Variants in SYDE2 observed in about 807,000 individuals in gnomAD.
SYDE2 encodes the protein synapse defective Rho GTPase homolog 2, also known as rho GTPase-activating protein SYDE2.
A neutral mutation model predicts 91.5 loss-of-function variants in SYDE2; 76 were observed. The ratio of observed to expected loss-of-function variants is 0.83; its 90% confidence interval spans 0.69 to 1.01. The LOEUF is 1.01. SYDE2 is among the 50% of genes least tolerant of loss of function. The pLI is 0.00. For synonymous variants in SYDE2, 513 were observed against 506.4 expected (o/e 1.01, Z -0.18); for missense variants, 1,364 against 1,367.7 (o/e 1.00, Z 0.04).
rs1337735081 is a variant in SYDE2, at chr1:85,182,180, A to G, written c.2462T>C (p.Val821Ala). The change falls in exon 3 of 7, where the codon GTT becomes GCT. Residue 821 changes from valine (V) to alanine (A), a missense_variant. Transcript: ENST00000341460. ...CAGTCCTATATTTTCTTTCTCTACAACTTTTTGAATATCAACTCCAAATAT... is the reference window on the plus strand; with the variant it reads ...CAGTCCTATATTTTCTTTCTCTACAGCTTTTTGAATATCAACTCCAAATAT... ...PIIFGVDIQK[V>A]VEKENIGLMV... 6.2e-7 allele frequency: 1 copy of G among 1,606,386 alleles called. No individual in the cohort carries two copies. The highest frequency in any genetic ancestry group is 8.5e-7 in the Non-Finnish European group (1 of 1,175,990).
chr1:85,163,774 G>A (rs1287626583), intron 6 of SYDE2, among the ~76,000 whole-genome samples: 4 of 152,030 alleles, frequency 2.6e-5, no homozygotes, highest in African/African-American at 9.7e-5. Flanking sequence ...TGTGGGGTGA[G>A]AGTAGCAGGG....
intron 4 of SYDE2, among the ~76,000 whole-genome samples, chr1:85,174,013 T>C (rs989995314): frequency 5.3e-5 from 8 of 151,404 alleles, no homozygotes; most frequent in African/African-American, 1.9e-4. Flanking sequence ...GATACAGCAA[T>C]AGAAACAATC....
intron 1 of SYDE2, among the ~76,000 whole-genome samples, chr1:85,197,780 G>T (rs111338620): frequency 0.075 from 11,389 of 151,812 alleles, 1,143 homozygotes; most frequent in African/African-American, 0.23. Flanking sequence ...TCAGCCTCCC[G>T]AGTAGCTGGG....
At chr1:85,194,961 C>G (rs1401213319) in intron 1 of SYDE2, 1 of 313,108 alleles carries the variant, frequency 3.2e-6, no homozygotes, top group African/African-American at 2.3e-5. Context: ...GAGATCGAGA[C>G]CATCCTGGCT....
At chr1:85,154,624 CG>C (rs1656836738), downstream of SYDE2, among the ~76,000 whole-genome samples, 1 of 150,766 alleles carries the variant, frequency 6.6e-6, no homozygotes, top group Non-Finnish European at 1.5e-5. Flanking sequence ...CATTTGATGG[CG>C]CTCCATCATT....
chr1:85,163,481 A>ATATATATATATATAT (rs1657152403), intron 6 of SYDE2, among the ~76,000 whole-genome samples: 24 of 138,164 alleles, frequency 1.7e-4, no homozygotes, highest in Non-Finnish European at 2.6e-4. Flanking sequence ...ATATATATAT[A>ATATATATATATATAT]ACAAAAGAGT....
chr1:85,170,580 G>A (rs1657465796), intron 4 of SYDE2, among the ~76,000 whole-genome samples: 2 of 152,158 alleles, frequency 1.3e-5, no homozygotes, highest in South Asian at 4.2e-4. Flanking sequence ...ATGCTCATTA[G>A]AGCATTCTGG....
chr1:85,200,403 C>A lies in SYDE2; in HGVS notation c.594G>T (p.Gly198=), dbSNP rs1658774670. 6.2e-7 allele frequency: 1 copy of A among 1,614,040 alleles called. No individual in the cohort carries two copies. Among genetic ancestry groups the A allele is most frequent in the East Asian group, 2.2e-5 (1 of 44,872 alleles). The change falls in exon 1 of 7, where the codon GGG becomes GGT. Residue 198 remains glycine (G), a synonymous_variant. Transcript: ENST00000341460. ...CCTTCATTCCCAGGGACAGCAGACG[C>A]CCTTTGTACATCCACTTCTGCAGCT... ...VKKLQKWMYK[G]RLLSLGMKGR...
chr1:85,168,493 C>G (rs1052048615), intron 5 of SYDE2, among the ~76,000 whole-genome samples: 36 of 152,148 alleles, frequency 2.4e-4, no homozygotes, highest in Non-Finnish European at 7.3e-5. Context: ...GAAGACCTAC[C>G]TATCCTTCTC....
At chr1:85,186,009 T>C (rs1211136970) in intron 2 of SYDE2, among the ~76,000 whole-genome samples, 1 of 151,888 alleles carries the variant, frequency 6.6e-6, no homozygotes, top group South Asian at 2.1e-4. Context: ...GCATGAAGGG[T>C]TGTTGAATTT....
intron 5 of SYDE2, among the ~76,000 whole-genome samples, chr1:85,167,288 T>A (rs376195682): frequency 6.6e-6 from 1 of 151,802 alleles, no homozygotes; most frequent in Non-Finnish European, 1.5e-5. Context: ...AAAATGTTCA[T>A]ATTATTTAAA....
chr1:85,200,212 A>G, intron 1 of SYDE2, 40 bp downstream of exon 1: 1 of 1,612,970 alleles, frequency 6.2e-7, no homozygotes, highest in Non-Finnish European at 8.5e-7. Flanking sequence ...GTAAACAGTA[A>G]GGCTCGCGGT....
downstream of SYDE2, among the ~76,000 whole-genome samples, chr1:85,154,716 C>G (rs1656837916): frequency 6.6e-6 from 1 of 151,776 alleles, no homozygotes; most frequent in Non-Finnish European, 1.5e-5. Flanking sequence ...CAGAATCCAA[C>G]CATATCTCAC....
rs1200248420 is a variant in SYDE2 at position 85,182,983 on chromosome 1, G to A, written c.1659C>T (p.Asn553=). ...ACAAAGAAGGAGTATTATCTGGACT[G>A]TTTATATAATTCAATGTTCCCTTAA... ...LSVKGTLNYI[N]SPDNTPSLSK... Residue 553 remains asparagine (N), a synonymous_variant, in exon 3 of 7, where the codon AAC becomes AAT. Coordinates refer to ENST00000341460, the MANE Select transcript of SYDE2 (RefSeq NM_032184.2). 6.2e-7 allele frequency: 1 copy of A among 1,613,380 alleles called. No individual in the cohort carries two copies. The highest frequency in any genetic ancestry group is 1.7e-5 in the Admixed American group (1 of 59,952).
At chr1:85,176,177 T>C (rs1471434118) in intron 4 of SYDE2, among the ~76,000 whole-genome samples, 1 of 152,188 alleles carries the variant, frequency 6.6e-6, no homozygotes, top group Non-Finnish European at 1.5e-5. Flanking sequence ...TTTGTATTTA[T>C]AAAACTTCTC....
At chr1:85,172,693 T>C (rs977439618) in intron 4 of SYDE2, among the ~76,000 whole-genome samples, 1 of 152,110 alleles carries the variant, frequency 6.6e-6, no homozygotes, top group Non-Finnish European at 1.5e-5. Flanking sequence ...TGGAGAGACT[T>C]TGCAGGTCGC....
Position 85,200,615 on chromosome 1 carries a change from C to A in SYDE2, c.382G>T (p.Gly128Cys). 1 of 1,555,256 alleles carries A rather than the reference C, an allele frequency of 6.4e-7. No homozygotes were observed. The highest frequency in any genetic ancestry group is 8.7e-7 in the Non-Finnish European group (1 of 1,155,424). The change falls in exon 1 of 7, where the codon GGC becomes TGC. Residue 128 changes from glycine to cysteine, a missense_variant. By Grantham distance (159) the Gly-to-Cys change is radical. Transcript: ENST00000341460. ...EPPPRGGRMD[G>C]WSGDRARAAA... ...GCCCGGGCGCGGTCCCCACTCCAGC[C>A]GTCCATCCTGCCTCCACGTGGCGGG...
At chr1:85,184,302 G>A (rs143684134) in intron 2 of SYDE2, among the ~76,000 whole-genome samples, 2 of 151,578 alleles carry the variant, frequency 1.3e-5, no homozygotes, top group African/African-American at 4.9e-5. Context: ...ATGCAACATA[G>A]AAATTAACAA....
chr1:85,159,904 G>T (rs1253138351), intron 6 of SYDE2: 1 of 983,396 alleles, frequency 1.0e-6, no homozygotes, highest in Non-Finnish European at 1.2e-6. Flanking sequence ...TCTCATTCTG[G>T]TTAGGTATTT....
Sources: gnomAD v4.1 joint callset for allele counts (sites outside exome capture counted in the v4.1 genomes callset) on GRCh38, gnomAD v4.1.1 for gene constraint, MANE v1.5 for transcripts, NCBI Gene and HGNC (gene_info 2026-07-23, HGNC 2026-07-21) for gene names.